Variants in ACTR3 observed in about 807,000 individuals in gnomAD.
ACTR3 encodes the protein actin related protein 3, also known as actin-related protein 3.
In ACTR3, 12 loss-of-function variants were observed where a neutral mutation model predicts 56.8. That is an observed-to-expected ratio of 0.21 (90% confidence interval 0.14 to 0.34). The LOEUF (loss-of-function observed/expected upper bound fraction) is 0.34, where lower values mean the gene tolerates loss of function less well. ACTR3 is among the 10% of genes least tolerant of loss of function. The pLI is 1.00. For synonymous variants in ACTR3, 162 were observed against 167.4 expected (o/e 0.97, Z 0.25); for missense variants, 282 against 512.5 (o/e 0.55, Z 4.34).
rs1420659673 is a variant in ACTR3 at position 113,960,998 on chromosome 2, C to T, written c.*3543C>T. Reference sequence around the variant, plus strand: ...CATAGCAAATCTTGACAGTAAATACCTTGTTCTTGTATTAGGTCTATATCC... The same window carrying T: ...CATAGCAAATCTTGACAGTAAATACTTTGTTCTTGTATTAGGTCTATATCC... On this transcript the variant is annotated 3_prime_UTR_variant, in exon 12 of 12. Coordinates refer to ENST00000263238, the MANE Select transcript of ACTR3 (RefSeq NM_005721.5). The T allele has an allele frequency of 2.6e-5, 4 of 151,942 alleles. No homozygotes were observed. Among genetic ancestry groups the T allele is most frequent in the African/African-American group, 9.7e-5 (4 of 41,408 alleles). 9.4% of individuals were successfully genotyped at this position (151,942 alleles called of 1,614,324 possible).
chr2:113,897,518 ATTTTTTTTTTTTTT>A (rs58363370), intron 1 of ACTR3, among the ~76,000 whole-genome samples: 1 of 98,906 alleles, frequency 1.0e-5, no homozygotes, highest in East Asian at 2.6e-4. Flanking sequence ...GCCAGATGTT[ATTTTTTTTTTTTTT>A]TTTTTTTTTT....
chr2:113,926,396 A>G (rs1679620457), intron 3 of ACTR3, among the ~76,000 whole-genome samples: 1 of 152,176 alleles, frequency 6.6e-6, no homozygotes, highest in Non-Finnish European at 1.5e-5. Flanking sequence ...GCCCTTGTGA[A>G]TTTATGGTAG....
chr2:113,949,544 T>G (rs1331316153), intron 8 of ACTR3, among the ~76,000 whole-genome samples: 1 of 152,090 alleles, frequency 6.6e-6, no homozygotes, highest in Non-Finnish European at 1.5e-5. Context: ...TTGTTTGTTT[T>G]TCACTAATTA....
At chr2:113,889,976 G>A (rs1194915156), upstream of ACTR3, 10 of 531,570 alleles carry the variant, frequency 1.9e-5, no homozygotes, top group Non-Finnish European at 3.3e-6. Flanking sequence ...GCTTCCCGGG[G>A]AAAGGCGGCG....
At chr2:113,908,007 G>A (rs564949582) in intron 1 of ACTR3, among the ~76,000 whole-genome samples, 1 of 149,546 alleles carries the variant, frequency 6.7e-6, no homozygotes, top group Admixed American at 6.7e-5. Context: ...AAAAAAGTGG[G>A]TTGCTGTGAT....
chr2:113,955,589 A>G, intron 10 of ACTR3, 34 bp from the exon 11 acceptor site: 3 of 1,444,750 alleles, frequency 2.1e-6, no homozygotes, highest in Non-Finnish European at 2.9e-6. Flanking sequence ...ATTTGAATTT[A>G]CTATGAAGAT....
intron 1 of ACTR3, among the ~76,000 whole-genome samples, chr2:113,907,481 G>A (rs1679216901): frequency 6.6e-6 from 1 of 152,094 alleles, no homozygotes; most frequent in Admixed American, 6.6e-5. Context: ...TTCACCTCTT[G>A]TCCTCAAGTG....
intron 2 of ACTR3, among the ~76,000 whole-genome samples, chr2:113,914,060 T>A (rs1163417599): frequency 6.6e-6 from 1 of 152,164 alleles, no homozygotes; most frequent in Non-Finnish European, 1.5e-5. Flanking sequence ...GTGTCACTGA[T>A]TTTTCACAAT....
At chr2:113,923,000 C>T (rs1574365461) in intron 3 of ACTR3, among the ~76,000 whole-genome samples, 1 of 152,220 alleles carries the variant, frequency 6.6e-6, no homozygotes, top group Non-Finnish European at 1.5e-5. Flanking sequence ...AGAGATACCA[C>T]TGAAAGTGAT....
rs1680331015 is a variant in ACTR3, at chr2:113,961,805, T to C, written c.*4350T>C. The stretch of plus-strand genomic sequence containing the variant: ...GCGGAATTTCTCTTCATAAAAATGG[T>C]AGTGTTAGTTGTTTAGAGGGAGAAG... On this transcript the variant is annotated 3_prime_UTR_variant, in exon 12 of 12. Transcript: ENST00000263238. 6.6e-6 allele frequency: 1 copy of C among 151,924 alleles called. No homozygotes were observed. The highest frequency in any genetic ancestry group is 6.6e-5 in the Admixed American group (1 of 15,232). The allele number at this position is 151,924 out of a possible 1,614,324, so 9.4% of individuals were successfully genotyped here.
chr2:113,908,724 G>C (rs191451925), intron 1 of ACTR3, among the ~76,000 whole-genome samples: 3 of 151,842 alleles, frequency 2.0e-5, no homozygotes, highest in Admixed American at 2.0e-4. Context: ...TTTAAAGTTT[G>C]CTAGTAGTAT....
intron 1 of ACTR3, among the ~76,000 whole-genome samples, chr2:113,906,739 A>G (rs79010015): frequency 0.093 from 14,100 of 152,162 alleles, 1,074 homozygotes; most frequent in African/African-American, 0.2. Context: ...TCTTCATCTT[A>G]GTAGTTATGG....
chr2:113,956,372 A>G (rs890555886), intron 11 of ACTR3, among the ~76,000 whole-genome samples: 3 of 150,952 alleles, frequency 2.0e-5, no homozygotes, highest in African/African-American at 7.4e-5. Context: ...AGTCATTTGA[A>G]TTTAATTTTT....
At chr2:113,907,922 C>T (rs887540726) in intron 1 of ACTR3, among the ~76,000 whole-genome samples, 5 of 143,886 alleles carry the variant, frequency 3.5e-5, no homozygotes, top group South Asian at 2.2e-4. Context: ...TGTGGTGAGC[C>T]GAGATCTCGC....
chr2:113,927,245 A>G, intron 3 of ACTR3, 100 bp from the exon 4 acceptor site: 1 of 684,450 alleles, frequency 1.5e-6, no homozygotes, highest in Non-Finnish European at 2.3e-6. Flanking sequence ...ATATATCCTC[A>G]TCTAATATCC....
At chr2:113,931,430 T>C in intron 5 of ACTR3, 34 bp downstream of exon 5, 1 of 1,438,048 alleles carries the variant, frequency 7.0e-7, no homozygotes, top group Non-Finnish European at 9.4e-7. Flanking sequence ...GTTTGATTCT[T>C]ACATTTTAAC....
rs1680295938 is a variant in ACTR3 at position 113,959,921 on chromosome 2, G to C, written c.*2466G>C. The stretch of plus-strand genomic sequence containing the variant: ...TGGAAAATATATTTGTATTATTTTG[G>C]ACAAATTATTTGAACTCTCTGGACC... On this transcript the variant is annotated 3_prime_UTR_variant, in exon 12 of 12. Coordinates refer to ENST00000263238, the MANE Select transcript of ACTR3 (RefSeq NM_005721.5). The C allele has an allele frequency of 6.6e-6, 1 of 151,836 alleles. No individual in the cohort carries two copies. The highest frequency in any genetic ancestry group is 1.5e-5 in the Non-Finnish European group (1 of 67,888). The allele number at this position is 151,836 out of a possible 1,614,324, so 9.4% of individuals were successfully genotyped here. A position where few individuals can be genotyped will look rare whatever the true frequency, so the allele number is the denominator to read the frequency against.
At chr2:113,894,437 C>A (rs912727133) in intron 1 of ACTR3, among the ~76,000 whole-genome samples, 2 of 152,194 alleles carry the variant, frequency 1.3e-5, no homozygotes, top group Non-Finnish European at 2.9e-5. Context: ...GAAATATTCA[C>A]AATAGCTTCT....
At chr2:113,896,478 T>C (rs1289229521) in intron 1 of ACTR3, among the ~76,000 whole-genome samples, 2 of 152,204 alleles carry the variant, frequency 1.3e-5, no homozygotes, top group Admixed American at 1.3e-4. Flanking sequence ...TAGTTCAAGA[T>C]TGTAAGCCTG....
Sources: gnomAD v4.1 joint callset for allele counts (sites outside exome capture counted in the v4.1 genomes callset) on GRCh38, gnomAD v4.1.1 for gene constraint, MANE v1.5 for transcripts, NCBI Gene and HGNC (gene_info 2026-07-23, HGNC 2026-07-21) for gene names.